The following MST1R variants were observed in gnomAD, a reference collection of about 807,000 sequenced individuals.
MST1R encodes the protein macrophage stimulating 1 receptor.
Under a neutral mutation model 117.8 loss-of-function variants are expected in MST1R, and 99 were observed. The ratio of observed to expected loss-of-function variants is 0.84; its 90% CI spans 0.71 to 0.99. MST1R has a LOEUF of 0.99. Among genes scored for constraint, MST1R ranks in the 50% least tolerant of loss-of-function variants. The probability of loss-of-function intolerance (pLI) is 0.00; values close to 1 mark genes in which losing one functional copy is unlikely to be tolerated. For missense variants in MST1R, 1,683 were observed against 1,840.2 expected, an observed-to-expected ratio of 0.91 and a Z score of 1.56; for synonymous variants, 734 against 765.3, an observed-to-expected ratio of 0.96 and a Z score of 0.68.
rs1378219435 is a variant in MST1R at position 49,903,430 on chromosome 3, G to C, written c.180C>G (p.Thr60=). The change falls in exon 1 of 20, where the codon ACC becomes ACG. Residue 60 remains threonine (T), a synonymous_variant. Coordinates refer to ENST00000296474, the MANE Select transcript of MST1R (RefSeq NM_002447.4). ...SAGGLVQAMV[T]YEGDRNESAV... ...CACTCTCATTTCTGTCGCCCTCGTAGGTCACCATGGCCTGTACCAGGCCTC... is the reference window on the plus strand; with the variant it reads ...CACTCTCATTTCTGTCGCCCTCGTACGTCACCATGGCCTGTACCAGGCCTC... 1.2e-6 allele frequency: 2 copies of C among 1,613,840 alleles called. No individual in the cohort carries two copies. Among genetic ancestry groups the C allele is most frequent in the Non-Finnish European group, 1.7e-6 (2 of 1,180,018 alleles).
Position 49,902,384 on chromosome 3 carries a change from T to C in MST1R, c.1226A>G (p.Asn409Ser), listed in dbSNP as rs1316065683. The change falls in exon 1 of 20, where the codon AAC (asparagine) becomes AGC (serine). Residue 409 changes from asparagine (N) to serine (S), a missense_variant. Transcript: ENST00000296474. ...GGGCCCCTTCTTTCAGCTTACCGGG[T>C]TGGGGCAAAAACTGGGCGACTGGAA... is the stretch of plus-strand genomic sequence containing the variant. ...DFFQSPSFCP[N>S]PPGLEALSPN... The C allele has an allele frequency of 1.9e-6, 3 of 1,612,466 alleles. No homozygotes were observed. Among genetic ancestry groups the C allele is most frequent in the Non-Finnish European group, 2.5e-6 (3 of 1,179,308 alleles).
At chr3:49,897,841 A>G (rs2082534510) in intron 5 of MST1R, 156 bp from the exon 6 acceptor site, 1 of 1,199,474 alleles carries the variant, frequency 8.3e-7, no homozygotes, top group Non-Finnish European at 1.2e-6. Context: ...GCAGAGATTA[A>G]CCTTGGCTGG....
In MST1R at chr3:49,896,649, G is replaced by C. The variant is rs1413186570; in HGVS notation, c.2346-16C>G. ...GTGGGAGTTGCTGTGGAAGAGGGTA[G>C]GGTGGTAGGCTTTGGGTGTTCTCCA... On this transcript the variant is annotated splice_polypyrimidine_tract_variant and intron_variant, in intron 8 of 19. Transcript: ENST00000296474. 2.5e-6 allele frequency: 4 copies of C among 1,613,624 alleles called. No homozygotes were observed. The highest frequency in any genetic ancestry group is 8.5e-7 in the Non-Finnish European group (1 of 1,179,790).
In MST1R at chr3:49,897,593, G is replaced by A. The variant is rs1250482245; in HGVS notation, c.1973C>T (p.Thr658Ile). The change falls in exon 6 of 20, where the codon ACC becomes ATC. Residue 658 changes from threonine to isoleucine, a missense_variant. Transcript: ENST00000296474. ...QAVGPTNVSL[T>I]VTNMPPGKHF... ...CTTGCCCGGTGGCATGTTAGTCACG[G>A]TGAGGCTGACGTTGGTAGGCCCCAC... The A allele has an allele frequency of 6.2e-7, 1 of 1,614,052 alleles. No homozygotes were observed. Among genetic ancestry groups the A allele is most frequent in the Non-Finnish European group, 8.5e-7 (1 of 1,180,054 alleles).
At chr3:49,889,039 G>C (rs945461324) in intron 19 of MST1R, among the ~76,000 whole-genome samples, 4 of 152,198 alleles carry the variant, frequency 2.6e-5, no homozygotes, top group Non-Finnish European at 5.9e-5. Flanking sequence ...ACTAGTAACT[G>C]ATTAATGCCT....
Position 49,887,111 on chromosome 3 carries a change from T to G in MST1R, c.*196A>C. 1.4e-6 allele frequency: 1 copy of G among 699,956 alleles called. No individual in the cohort carries two copies. The highest frequency in any genetic ancestry group is 2.4e-6 in the Non-Finnish European group (1 of 422,136). The allele number at this position is 699,956 out of a possible 1,614,324, so 43.4% of individuals were successfully genotyped here. ...GACAGGGTCCACAGCAGGCACTCCA[T>G]AAATACATGTTGCAGGACTGCCCTC... On this transcript the variant is annotated 3_prime_UTR_variant, in exon 20 of 20. Coordinates refer to ENST00000296474, the MANE Select transcript of MST1R (RefSeq NM_002447.4).
Position 49,902,481 on chromosome 3 carries a change from G to A in MST1R, c.1129C>T (p.Leu377=), listed in dbSNP as rs1198088156. The change falls in exon 1 of 20, where the codon CTA becomes TTA. Residue 377 remains leucine, a synonymous_variant. Transcript: ENST00000296474. Reference sequence around the variant, plus strand: ...CAGCGCTCCACACCCTCATCAATTAGTGTGTCCAGCAGGTCAATGGGGAAG... The same window carrying A: ...CAGCGCTCCACACCCTCATCAATTAATGTGTCCAGCAGGTCAATGGGGAAG... ...CAFPIDLLDT[L]IDEGVERCCE... is the part of the protein sequence containing the mutation. The A allele has an allele frequency of 1.2e-6, 2 of 1,614,098 alleles. No individual in the cohort carries two copies. Among genetic ancestry groups the A allele is most frequent in the Non-Finnish European group, 1.7e-6 (2 of 1,180,060 alleles).
chr3:49,893,011 G>A (rs1271225762), intron 14 of MST1R, among the ~76,000 whole-genome samples: 1 of 151,952 alleles, frequency 6.6e-6, no homozygotes, highest in Non-Finnish European at 1.5e-5. Context: ...GGGTGCGATG[G>A]CTCACGCCTG....
chr3:49,890,760 C>T, intron 17 of MST1R, 110 bp from the exon 18 acceptor site: 2 of 1,084,320 alleles, frequency 1.8e-6, no homozygotes, highest in South Asian at 3.5e-5. Context: ...GAGTCTCGCT[C>T]TGTCACCCAG....
At chr3:49,899,375 G>A in intron 1 of MST1R, 112 bp from the exon 2 acceptor site, 1 of 1,164,558 alleles carries the variant, frequency 8.6e-7, no homozygotes, top group East Asian at 2.5e-5. Flanking sequence ...CACCTGGCCT[G>A]ACTGGAGAAG....
chr3:49,899,528 C>A, intron 1 of MST1R: 1 of 363,762 alleles, frequency 2.7e-6, no homozygotes. Context: ...GGTGAGTTAC[C>A]CCCATTCCAT....
chr3:49,891,154 T>C lies in MST1R; in HGVS notation c.3644+43A>G, dbSNP rs374434232. ...CGGCCTTGAGCACCGCACACCCTCA[T>C]GCCCTGTCCTTTTGCTTCACCCCAG... On this transcript the variant is annotated intron_variant, in intron 17 of 19. Transcript: ENST00000296474. The C allele has an allele frequency of 9.0e-5, 142 of 1,573,070 alleles. 1 individual carries two copies. In the African/African-American group the frequency reaches 1.5e-3, roughly 17 times the overall value.
chr3:49,903,678 G>A lies in MST1R; in HGVS notation c.-69C>T. The A allele has an allele frequency of 6.6e-7, 1 of 1,506,980 alleles. No individual in the cohort carries two copies. The highest frequency in any genetic ancestry group is 8.8e-7 in the Non-Finnish European group (1 of 1,137,330). 93.4% of individuals were successfully genotyped at this position (1,506,980 alleles called of 1,614,324 possible). A position where few individuals can be genotyped will look rare whatever the true frequency, so the allele number is the denominator to read the frequency against. ...TGGACCTGGGCGTGGGCCTGGCTGGGGGCCCGACTCGAGGTCTGGACTGGG... is the reference window on the plus strand; with the variant it reads ...TGGACCTGGGCGTGGGCCTGGCTGGAGGCCCGACTCGAGGTCTGGACTGGG... On this transcript the variant is annotated 5_prime_UTR_variant, in exon 1 of 20. Coordinates refer to ENST00000296474, the MANE Select transcript of MST1R (RefSeq NM_002447.4).
At chr3:49,892,837 G>A (rs11130223) in intron 14 of MST1R, among the ~76,000 whole-genome samples, 1 of 151,202 alleles carries the variant, frequency 6.6e-6, no homozygotes, top group African/African-American at 2.4e-5. Context: ...GCAGGCCCCT[G>A]TAATCCCAGC....
Position 49,887,407 on chromosome 3 carries a change from G to A in MST1R, c.4103C>T (p.Ser1368Leu), listed in dbSNP as rs761840581. The change falls in exon 20 of 20, where the codon TCG (serine) becomes TTG (leucine). Residue 1368 changes from serine to leucine, a missense_variant. Ser to Leu is a moderately radical substitution (Grantham distance 145, BLOSUM62 -2). Coordinates refer to ENST00000296474, the MANE Select transcript of MST1R (RefSeq NM_002447.4). ...ATYMNLGPST[S>L]HEMNVRPEQP... ...TTCTGGACGCACATTCATCTCATGC[G>A]AGGTGCTGGGGCCCAAGTTCATGTA... 9 of 1,614,126 alleles carry A rather than the reference G, an allele frequency of 5.6e-6. No homozygotes were observed. The highest frequency in any genetic ancestry group is 4.0e-5 in the African/African-American group (3 of 74,948).
intron 5 of MST1R, 130 bp from the exon 6 acceptor site, chr3:49,897,815 G>A (rs2082533635): frequency 7.6e-7 from 1 of 1,312,670 alleles, no homozygotes. Context: ...CTCCATGGAA[G>A]GAAGGTTCTG....
In MST1R at chr3:49,895,881, CT is replaced by C; in HGVS notation, c.2797-2del. ...TATGACATTCACCATCTACGCAGAC[CT>C]GGGGGCAGGTGGCAACTCAGGCCCA... On this transcript the variant is annotated splice_acceptor_variant, in intron 11 of 19. Transcript: ENST00000296474. LOFTEE classifies it high-confidence loss of function. 1 of 1,595,218 alleles carries C rather than the reference CT, an allele frequency of 6.3e-7. No individual in the cohort carries two copies. The highest frequency in any genetic ancestry group is 8.5e-7 in the Non-Finnish European group (1 of 1,169,596).
At position 49,895,898 on chromosome 3, in the gene MST1R, C is replaced by G; in HGVS notation, c.2797-18G>C. On this transcript the variant is annotated intron_variant, in intron 11 of 19. Transcript: ENST00000296474. ...ACGCAGACCTGGGGGCAGGTGGCAA[C>G]TCAGGCCCAGCCTGTAGGCCCTCTG... is the stretch of plus-strand genomic sequence containing the variant. 6.3e-7 allele frequency: 1 copy of G among 1,585,530 alleles called. No homozygotes were observed. Among genetic ancestry groups the G allele is most frequent in the South Asian group, 1.2e-5 (1 of 85,750 alleles).
Position 49,903,637 on chromosome 3 carries a change from C to T in MST1R, c.-28G>A, listed in dbSNP as rs376163707. 1.4e-4 allele frequency: 222 copies of T among 1,538,718 alleles called. No homozygotes were observed. Among genetic ancestry groups the T allele is most frequent in the Admixed American group, 7.5e-5 (4 of 53,614 alleles). Reference sequence around the variant, plus strand: ...AGGCGAGCTGGGACCCTAGAGGATCCCTACCGGCCTGGGCCTGGACCTGGG... The same window carrying T: ...AGGCGAGCTGGGACCCTAGAGGATCTCTACCGGCCTGGGCCTGGACCTGGG... On this transcript the variant is annotated 5_prime_UTR_variant, in exon 1 of 20. Coordinates refer to ENST00000296474, the MANE Select transcript of MST1R (RefSeq NM_002447.4).
Sources: gnomAD v4.1 joint callset for allele counts (sites outside exome capture counted in the v4.1 genomes callset) on GRCh38, gnomAD v4.1.1 for gene constraint, MANE v1.5 for transcripts, NCBI Gene and HGNC (gene_info 2026-07-23, HGNC 2026-07-21) for gene names.